Variants in NOX4 observed in about 807,000 individuals in gnomAD.
The protein encoded by NOX4 is kidney oxidase-1.
In NOX4, 69 loss-of-function variants were observed where a neutral mutation model predicts 87.6. The ratio of observed to expected loss-of-function variants is 0.79; its 90% confidence interval spans 0.65 to 0.96. NOX4 has a LOEUF of 0.96. Among genes scored for constraint, NOX4 ranks in the 40% least tolerant of loss-of-function variants. NOX4 has a pLI of 0.00. For missense variants in NOX4, 680 were observed against 681.5 expected, an observed-to-expected ratio of 1.00 and a Z score of 0.02; for synonymous variants, 275 against 238.2, an observed-to-expected ratio of 1.15 and a Z score of -1.42.
At chr11:89,524,119 C>A in the NOX4 span, among the ~76,000 whole-genome samples, 1 of 152,072 alleles carries the variant, frequency 6.6e-6, no homozygotes, top group Non-Finnish European at 1.5e-5. Context: ...CTAATGCACA[C>A]TTTAAGTAGA....
At chr11:89,522,365 A>G in the NOX4 span, among the ~76,000 whole-genome samples, 1 of 152,290 alleles carries the variant, frequency 6.6e-6, no homozygotes, top group East Asian at 1.9e-4. Flanking sequence ...TAGCAACAAG[A>G]ATGCAGCTGG....
rs368864194 is a variant in NOX4 at position 89,400,173 on chromosome 11, A to G, written c.1011+42T>C. The G allele has an allele frequency of 1.9e-6, 3 of 1,589,756 alleles. No individual in the cohort carries two copies. The African/African-American group carries it at 4.1e-5, about 22-fold the overall frequency. On this transcript the variant is annotated intron_variant, in intron 10 of 17. Transcript: ENST00000263317. ...GTTTGCTAAATTCCAAAAATTACAT[A>G]AGGATAAAGGCTATTTAAAAAGTTG...
chr11:89,410,649 C>T (rs1330097641), intron 8 of NOX4, among the ~76,000 whole-genome samples: 1 of 152,164 alleles, frequency 6.6e-6, no homozygotes, highest in East Asian at 1.9e-4. Flanking sequence ...AGGAACTCAG[C>T]CAGAGCCCAC....
intron 2 of NOX4, among the ~76,000 whole-genome samples, chr11:89,467,370 AAAAAAAAT>A (rs1178605463): frequency 6.6e-6 from 1 of 150,664 alleles, no homozygotes; most frequent in Non-Finnish European, 1.5e-5. Context: ...AAAAAAAAAA[AAAAAAAAT>A]TTGTCTTTAT....
rs893652658 is a variant in NOX4 at position 89,440,790 on chromosome 11, G to T, written c.448-75C>A. On this transcript the variant is annotated intron_variant, in intron 5 of 17. Coordinates refer to ENST00000263317, the MANE Select transcript of NOX4 (RefSeq NM_016931.5). ...TATATAATTCTATAAAGAGTATGCA[G>T]GATCTACAAACCACATACTTGTCAT... The T allele has an allele frequency of 9.9e-6, 8 of 810,258 alleles. No individual in the cohort carries two copies. The African/African-American group carries it at 1.1e-4, about 11-fold the overall frequency. 50.2% of individuals were successfully genotyped at this position (810,258 alleles called of 1,614,324 possible).
At chr11:89,388,920 T>C (rs1940915166) in intron 11 of NOX4, among the ~76,000 whole-genome samples, 2 of 152,194 alleles carry the variant, frequency 1.3e-5, no homozygotes, top group South Asian at 2.1e-4. Context: ...TGGATTAATA[T>C]TCAGAGTAAC....
upstream of NOX4, among the ~76,000 whole-genome samples, chr11:89,502,755 C>A (rs1439414324): frequency 6.6e-6 from 1 of 152,022 alleles, no homozygotes. Context: ...ATGTTTGCAT[C>A]ACAAGTTATT....
chr11:89,363,808 C>CAAT (rs1938717699), intron 12 of NOX4, among the ~76,000 whole-genome samples: 1 of 151,956 alleles, frequency 6.6e-6, no homozygotes, highest in Admixed American at 6.6e-5. Flanking sequence ...CATGGTAACT[C>CAAT]AATAATAATA....
intron 13 of NOX4, among the ~76,000 whole-genome samples, chr11:89,343,208 G>C (rs1246290582): frequency 6.6e-6 from 1 of 152,148 alleles, no homozygotes; most frequent in Non-Finnish European, 1.5e-5. Context: ...CTCTAAACTG[G>C]ATTTCTTTCA....
At chr11:89,344,059 AG>A (rs1342904906) in intron 13 of NOX4, among the ~76,000 whole-genome samples, 11 of 151,282 alleles carry the variant, frequency 7.3e-5, no homozygotes, top group African/African-American at 2.7e-4. Flanking sequence ...TACTTGTTAA[AG>A]CTTTTAACAT....
chr11:89,349,212 G>A (rs317199), intron 13 of NOX4, among the ~76,000 whole-genome samples: 2,193 of 151,952 alleles, frequency 0.014, 47 homozygotes, highest in African/African-American at 0.05. Flanking sequence ...GCTTGAACCC[G>A]GGAGGCAGAG....
intron 7 of NOX4, among the ~76,000 whole-genome samples, chr11:89,430,698 TAA>T (rs529398730): frequency 0.012 from 1,848 of 152,072 alleles, 36 homozygotes; most frequent in African/African-American, 0.041. Flanking sequence ...CTCAACGAAA[TAA>T]AAGAGGACAC....
At chr11:89,513,889 A>G in the NOX4 span, among the ~76,000 whole-genome samples, 1 of 152,012 alleles carries the variant, frequency 6.6e-6, no homozygotes, top group Non-Finnish European at 1.5e-5. Flanking sequence ...TTTTAAAAAT[A>G]ATATTTATGG....
chr11:89,328,746 G>T (rs1215802893), intron 17 of NOX4, among the ~76,000 whole-genome samples: 1 of 151,992 alleles, frequency 6.6e-6, no homozygotes, highest in Non-Finnish European at 1.5e-5. Context: ...TGGAGATAAG[G>T]CTTTAAAGGA....
chr11:89,442,763 T>C (rs1302603596), intron 5 of NOX4, among the ~76,000 whole-genome samples: 1 of 152,126 alleles, frequency 6.6e-6, no homozygotes, highest in East Asian at 1.9e-4. Context: ...ATTTAATAAC[T>C]GAAAATTTTG....
At chr11:89,438,165 G>A (rs1944178567) in intron 6 of NOX4, among the ~76,000 whole-genome samples, 2 of 148,876 alleles carry the variant, frequency 1.3e-5, no homozygotes, top group Non-Finnish European at 3.0e-5. Flanking sequence ...ATGCTAGGTA[G>A]TGAGATTACC....
intron 4 of NOX4, among the ~76,000 whole-genome samples, chr11:89,449,036 C>A (rs1019625230): frequency 6.6e-6 from 1 of 152,086 alleles, no homozygotes. Context: ...TGGGGGCCAA[C>A]TTTTGGATAT....
chr11:89,478,877 G>A (rs965321274), intron 2 of NOX4, among the ~76,000 whole-genome samples: 1 of 151,844 alleles, frequency 6.6e-6, no homozygotes, highest in Admixed American at 6.6e-5. Flanking sequence ...CACAGTCCAA[G>A]CCCATCTGCA....
chr11:89,335,128 G>A (rs1945645884), intron 17 of NOX4, among the ~76,000 whole-genome samples: 1 of 151,624 alleles, frequency 6.6e-6, no homozygotes, highest in Non-Finnish European at 1.5e-5. Flanking sequence ...AAACTATTTA[G>A]ATGTAAACCT....
Sources: gnomAD v4.1 joint callset for allele counts (sites outside exome capture counted in the v4.1 genomes callset) on GRCh38, gnomAD v4.1.1 for gene constraint, MANE v1.5 for transcripts, NCBI Gene and HGNC (gene_info 2026-07-23, HGNC 2026-07-21) for gene names.